PDE8A: variants seen among roughly 807,000 people sequenced by gnomAD.
PDE8A encodes high affinity cAMP-specific and IBMX-insensitive 3',5'-cyclic phosphodiesterase 8A.
In PDE8A, 59 loss-of-function variants were observed where a neutral mutation model predicts 105.0. The observed-to-expected ratio is 0.56, with a 90% CI of 0.46 to 0.70. The LOEUF (loss-of-function observed/expected upper bound fraction) is 0.70, where lower values mean the gene tolerates loss of function less well. Ranked by LOEUF, PDE8A falls within the 30% of genes least tolerant of loss-of-function variation. The pLI is 0.00. For synonymous variants in PDE8A, 355 were observed against 371.9 expected (o/e 0.95, Z 0.52); for missense variants, 1,014 against 1,045.9 (o/e 0.97, Z 0.42).
intron 8 of PDE8A, among the ~76,000 whole-genome samples, chr15:85,092,886 A>G (rs1410049672): frequency 6.6e-6 from 1 of 151,612 alleles, no homozygotes; most frequent in Non-Finnish European, 1.5e-5. Context: ...GGAATAGGAA[A>G]CATCATCAAA....
chr15:85,123,202 A>T lies in PDE8A; in HGVS notation c.2085+9A>T, dbSNP rs762960574. 6.2e-7 allele frequency: 1 copy of T among 1,613,744 alleles called. No individual in the cohort carries two copies. Among genetic ancestry groups the T allele is most frequent in the South Asian group, 1.1e-5 (1 of 91,070 alleles). ...CACTAGAAGAAAATGGGGTAAGGGA[A>T]ACTTATTGCAAAGAGAACCTGTGTT... On this transcript the variant is annotated intron_variant, in intron 19 of 21. Coordinates refer to ENST00000394553, the MANE Select transcript of PDE8A (RefSeq NM_002605.3).
intron 1 of PDE8A, among the ~76,000 whole-genome samples, chr15:85,057,680 A>G (rs1290073106): frequency 6.6e-6 from 1 of 152,228 alleles, no homozygotes; most frequent in African/African-American, 2.4e-5. Flanking sequence ...CTGTGCTCGT[A>G]CATGGCTTTT....
At chr15:85,098,264 C>T (rs962392736) in intron 9 of PDE8A, among the ~76,000 whole-genome samples, 4 of 152,094 alleles carry the variant, frequency 2.6e-5, no homozygotes, top group Non-Finnish European at 5.9e-5. Context: ...GTTTAAGCTG[C>T]GTGGATACAC....
intron 3 of PDE8A, among the ~76,000 whole-genome samples, chr15:85,070,350 G>A (rs1222059027): frequency 1.3e-5 from 2 of 152,166 alleles, no homozygotes; most frequent in Non-Finnish European, 2.9e-5. Flanking sequence ...CCTCAGGTCT[G>A]GGCACTGCAT....
intron 1 of PDE8A, among the ~76,000 whole-genome samples, chr15:85,028,139 G>GTACA (rs1270799364): frequency 2.0e-5 from 3 of 152,016 alleles, no homozygotes; most frequent in African/African-American, 4.8e-5. Flanking sequence ...TATGTACATG[G>GTACA]TACACAATGT....
At chr15:85,050,511 C>T (rs766498768) in intron 1 of PDE8A, among the ~76,000 whole-genome samples, 2 of 152,132 alleles carry the variant, frequency 1.3e-5, no homozygotes, top group Non-Finnish European at 2.9e-5. Context: ...AGATAAGGGT[C>T]CAACTTCATT....
intron 1 of PDE8A, among the ~76,000 whole-genome samples, chr15:85,030,149 T>A (rs987287024): frequency 6.6e-6 from 1 of 152,206 alleles, no homozygotes; most frequent in Admixed American, 6.5e-5. Flanking sequence ...CAGCTCTAGC[T>A]GTACTCTAAA....
chr15:85,001,980 T>G (rs1398058451), intron 1 of PDE8A, among the ~76,000 whole-genome samples: 1 of 152,156 alleles, frequency 6.6e-6, no homozygotes. Flanking sequence ...TTCTACCTTT[T>G]TTTTTAAGAG....
intron 6 of PDE8A, among the ~76,000 whole-genome samples, chr15:85,086,997 T>G (rs1165307795): frequency 1.3e-5 from 2 of 151,660 alleles, no homozygotes; most frequent in Non-Finnish European, 2.9e-5. Flanking sequence ...CTCTGACTAG[T>G]GCTAGGATTA....
chr15:85,099,851 C>T (rs535558900), intron 9 of PDE8A, 164 bp from the exon 10 acceptor site: 43 of 628,700 alleles, frequency 6.8e-5, no homozygotes, highest in Middle Eastern at 4.3e-4. Context: ...TGTTTGTGAT[C>T]TCTTCTTTAT....
intron 7 of PDE8A, chr15:85,090,698 C>T (rs1027305370): frequency 2.3e-6 from 1 of 427,506 alleles, no homozygotes; most frequent in Non-Finnish European, 4.8e-6. Context: ...ATCCCCCCAC[C>T]CCCACCCCCA....
At chr15:85,134,715 AG>A (rs1029074985) in intron 20 of PDE8A, among the ~76,000 whole-genome samples, 1 of 152,188 alleles carries the variant, frequency 6.6e-6, no homozygotes, top group African/African-American at 2.4e-5. Flanking sequence ...GCACTGTGCT[AG>A]GTATGGTGCC....
At position 85,094,179 on chromosome 15, in the gene PDE8A, A is replaced by AT. The variant is rs919620640; in HGVS notation, c.852+3008dup. 3.0e-4 allele frequency among the ~76,000 whole-genome samples: 45 copies of AT among 149,958 alleles called. 1 individual carries two copies. The highest frequency in any genetic ancestry group is 1.3e-3 in the South Asian group (6 of 4,708). On this transcript the variant is annotated intron_variant, in intron 8 of 21. Coordinates refer to ENST00000394553, the MANE Select transcript of PDE8A (RefSeq NM_002605.3). ...TGCTTGGCCTCTTTTAAAAATCTTG[A>AT]TTTTTTTTTTCCCTCCCTCAGAAAC...
rs16974754 is a variant in PDE8A, at chr15:85,067,226, A to G, written c.434+22A>G. ...GCAGGTAAGCCCAAGACTCGGGCCT[A>G]AATAGTCCCATTGGCCTTTCTGACA... On this transcript the variant is annotated intron_variant, in intron 3 of 21. Coordinates refer to ENST00000394553, the MANE Select transcript of PDE8A (RefSeq NM_002605.3). 40 of 1,572,584 alleles carry G rather than the reference A, an allele frequency of 2.5e-5. No individual in the cohort carries two copies. The East Asian group carries it at 7.7e-4, about 30-fold the overall frequency.
At chr15:85,040,127 G>T (rs2080776940) in intron 1 of PDE8A, among the ~76,000 whole-genome samples, 1 of 152,052 alleles carries the variant, frequency 6.6e-6, no homozygotes, top group Non-Finnish European at 1.5e-5. Context: ...AATATTTGGG[G>T]TGATGGATAT....
intron 11 of PDE8A, among the ~76,000 whole-genome samples, chr15:85,107,182 GGT>G (rs2081959320): frequency 6.6e-6 from 1 of 152,198 alleles, no homozygotes; most frequent in Admixed American, 6.5e-5. Flanking sequence ...AGGCGAAGAA[GGT>G]GGCAGGGGAG....
intron 17 of PDE8A, chr15:85,120,578 A>G (rs2082165639): frequency 2.2e-6 from 1 of 457,114 alleles, no homozygotes; most frequent in Non-Finnish European, 3.9e-6. Flanking sequence ...GAACACCTGT[A>G]TTTTGGTAAG....
At chr15:84,985,335 CTG>C (rs1415954731) in intron 1 of PDE8A, among the ~76,000 whole-genome samples, 16 of 152,312 alleles carry the variant, frequency 1.1e-4, no homozygotes, top group Admixed American at 3.9e-4. Context: ...TACCCTCTGT[CTG>C]TTTATTCCTT....
At chr15:85,090,225 T>C (rs984734246) in intron 7 of PDE8A, among the ~76,000 whole-genome samples, 1 of 152,240 alleles carries the variant, frequency 6.6e-6, no homozygotes, top group African/African-American at 2.4e-5. Context: ...GCAAGTTGTT[T>C]AATCCAGCTG....
Sources: allele counts gnomAD v4.1 joint callset (sites outside exome capture counted in the v4.1 genomes callset), GRCh38; gene constraint gnomAD v4.1.1; transcripts MANE v1.5; gene names NCBI Gene and HGNC (gene_info 2026-07-23, HGNC 2026-07-21).